Variants in ARIH1 observed in about 807,000 individuals in gnomAD.
The protein encoded by ARIH1 is E3 ubiquitin-protein ligase ARIH1.
In ARIH1, 8 loss-of-function variants were observed where a neutral mutation model predicts 85.0. The ratio of observed to expected loss-of-function variants is 0.09; its 90% CI spans 0.06 to 0.17. The LOEUF is 0.17. Among genes scored for constraint, ARIH1 ranks in the 10% least tolerant of loss-of-function variants. The probability of loss-of-function intolerance (pLI) is 1.00; values close to 1 mark genes in which losing one functional copy is unlikely to be tolerated. For synonymous variants in ARIH1, 238 were observed against 253.6 expected, an observed-to-expected ratio of 0.94 and a Z score of 0.59; for missense variants, 311 against 718.1, an observed-to-expected ratio of 0.43 and a Z score of 6.48.
chr15:72,480,779 G>A (rs181636950), intron 1 of ARIH1, among the ~76,000 whole-genome samples: 1,697 of 152,214 alleles, frequency 0.011, 16 homozygotes, highest in Non-Finnish European at 0.017. Flanking sequence ...TGGTCAGGCT[G>A]GTCTCAAACT....
intron 11 of ARIH1, among the ~76,000 whole-genome samples, chr15:72,575,838 C>G (rs1469412707): frequency 6.6e-6 from 1 of 152,088 alleles, no homozygotes; most frequent in African/African-American, 2.4e-5. Context: ...TGATACTTAC[C>G]TGACTCTTGA....
At chr15:72,556,678 G>A (rs2064176100) in intron 5 of ARIH1, among the ~76,000 whole-genome samples, 1 of 152,200 alleles carries the variant, frequency 6.6e-6, no homozygotes, top group Non-Finnish European at 1.5e-5. Flanking sequence ...CCCAGGTAGT[G>A]AGAACAATAC....
chr15:72,481,298 A>G (rs891123103), intron 1 of ARIH1, among the ~76,000 whole-genome samples: 10 of 152,196 alleles, frequency 6.6e-5, no homozygotes, highest in Admixed American at 6.5e-5. Flanking sequence ...GATGCAAGCT[A>G]AAGTTTGAGA....
At chr15:72,572,356 G>A in intron 11 of ARIH1, 191 bp downstream of exon 11, 1 of 443,482 alleles carries the variant, frequency 2.3e-6, no homozygotes. Context: ...TCCTGCCTCA[G>A]CCTCCTGAGT....
intron 3 of ARIH1, among the ~76,000 whole-genome samples, chr15:72,547,468 G>T (rs1053473930): frequency 6.6e-6 from 1 of 152,014 alleles, no homozygotes; most frequent in Non-Finnish European, 1.5e-5. Context: ...CCTGACCTCA[G>T]GTGATCCACC....
rs1399819449 is a variant in ARIH1, at chr15:72,593,369, T to A, written c.*10077T>A. On this transcript the variant is annotated 3_prime_UTR_variant, in exon 14 of 14. Transcript: ENST00000379887. Reference sequence around the variant, plus strand: ...GATCTTTCGATGAACAAATTTTTTTTATAAAATCCACTTTATCAGTTTTTT... The same window carrying A: ...GATCTTTCGATGAACAAATTTTTTTAATAAAATCCACTTTATCAGTTTTTT... 1 of 152,188 alleles carries A rather than the reference T, an allele frequency of 6.6e-6. No homozygotes were observed. Among genetic ancestry groups the A allele is most frequent in the East Asian group, 1.9e-4 (1 of 5,196 alleles). 9.4% of individuals were successfully genotyped at this position (152,188 alleles called of 1,614,324 possible). A position where few individuals can be genotyped will look rare whatever the true frequency, so the allele number is the denominator to read the frequency against.
At chr15:72,485,314 A>T (rs972801616) in intron 1 of ARIH1, among the ~76,000 whole-genome samples, 1 of 152,154 alleles carries the variant, frequency 6.6e-6, no homozygotes, top group African/African-American at 2.4e-5. Context: ...GGCAGGCCCT[A>T]CCCCATACCA....
In ARIH1 at chr15:72,593,666, T is replaced by C. The variant is rs1304960296; in HGVS notation, c.*10374T>C. 1 of 152,240 alleles carries C rather than the reference T, an allele frequency of 6.6e-6. No individual in the cohort carries two copies. Among genetic ancestry groups the C allele is most frequent in the African/African-American group, 2.4e-5 (1 of 41,466 alleles). The allele number at this position is 152,240 out of a possible 1,614,324, so 9.4% of individuals were successfully genotyped here. A position where few individuals can be genotyped will look rare whatever the true frequency, so the allele number is the denominator to read the frequency against. On this transcript the variant is annotated 3_prime_UTR_variant, in exon 14 of 14. Coordinates refer to ENST00000379887, the MANE Select transcript of ARIH1 (RefSeq NM_005744.5). Reference sequence around the variant, plus strand: ...TACATTTTCTGTTCTGTTCCATTAATCTATTTGTGTATCCTTACATCAGTA... The same window carrying C: ...TACATTTTCTGTTCTGTTCCATTAACCTATTTGTGTATCCTTACATCAGTA...
chr15:72,578,328 G>A lies in ARIH1; in HGVS notation c.1216-2403G>A, dbSNP rs1319967158. 2.0e-5 allele frequency among the ~76,000 whole-genome samples: 3 copies of A among 152,136 alleles called. No individual in the cohort carries two copies. In the South Asian group the frequency reaches 6.2e-4, roughly 31 times the overall value. On this transcript the variant is annotated intron_variant, in intron 11 of 13. Transcript: ENST00000379887. ...TATAACAACGATGACATCTTCAGTG[G>A]TGCTCTCCTTCCAGACTTCCATGAT...
At chr15:72,476,194 GTAT>G (rs1277886191) in intron 1 of ARIH1, among the ~76,000 whole-genome samples, 3 of 152,092 alleles carry the variant, frequency 2.0e-5, no homozygotes, top group South Asian at 2.1e-4. Flanking sequence ...GATTTTTATA[GTAT>G]TATAAGTAAC....
intron 11 of ARIH1, among the ~76,000 whole-genome samples, chr15:72,574,894 A>ACCCCCCCCC (rs201163446): frequency 1.8e-4 from 19 of 107,832 alleles, no homozygotes; most frequent in Admixed American, 3.1e-4. Flanking sequence ...ACATAGTAAG[A>ACCCCCCCCC]CCCCCCCGCC....
chr15:72,476,973 T>C (rs2063797532), intron 1 of ARIH1, among the ~76,000 whole-genome samples: 1 of 152,230 alleles, frequency 6.6e-6, no homozygotes, highest in Non-Finnish European at 1.5e-5. Flanking sequence ...TCCTTTTTAT[T>C]TTCTAGTTTC....
At chr15:72,554,749 C>G (rs1555488491) in intron 3 of ARIH1, among the ~76,000 whole-genome samples, 1 of 151,564 alleles carries the variant, frequency 6.6e-6, no homozygotes, top group Non-Finnish European at 1.5e-5. Context: ...TGTGGTGTTG[C>G]TTTGTTTTGT....
intron 1 of ARIH1, among the ~76,000 whole-genome samples, chr15:72,490,396 C>T (rs1357506828): frequency 6.6e-6 from 1 of 152,120 alleles, no homozygotes; most frequent in Non-Finnish European, 1.5e-5. Context: ...TGAGCTCTGC[C>T]TCGTGTCAGA....
intron 5 of ARIH1, among the ~76,000 whole-genome samples, chr15:72,560,558 C>T (rs1287236498): frequency 1.3e-5 from 2 of 152,218 alleles, no homozygotes; most frequent in Non-Finnish European, 2.9e-5. Context: ...TAGGCTGTCC[C>T]ACCTTAGAGC....
chr15:72,544,829 T>C lies in ARIH1; in HGVS notation c.453T>C (p.Asp151=), dbSNP rs1182784751. 6.2e-7 allele frequency: 1 copy of C among 1,612,310 alleles called. No individual in the cohort carries two copies. The highest frequency in any genetic ancestry group is 2.2e-5 in the East Asian group (1 of 44,842). Residue 151 remains aspartate (D), a synonymous_variant, in exon 3 of 14, where the codon GAT becomes GAC. Coordinates refer to ENST00000379887, the MANE Select transcript of ARIH1 (RefSeq NM_005744.5). ...DKEKLMERYF[D]GNLEKLFAEC... is the part of the protein sequence containing the mutation. The stretch of plus-strand genomic sequence containing the variant: ...TGTTTAAATAATGCAGGTACTTTGA[T>C]GGAAACCTGGAGAAGCTCTTTGCTG...
At position 72,596,245 on chromosome 15, in the gene ARIH1, T is replaced by C. The variant is rs1216840676; in HGVS notation, c.*12953T>C. ...TTGGATATAGGACTCTATGTTGACC[T>C]TTTATTTCTTCTTTCAGTACTTTAA... On this transcript the variant is annotated 3_prime_UTR_variant, in exon 14 of 14. Coordinates refer to ENST00000379887, the MANE Select transcript of ARIH1 (RefSeq NM_005744.5). 1 of 152,226 alleles carries C rather than the reference T, an allele frequency of 6.6e-6. No individual in the cohort carries two copies. Among genetic ancestry groups the C allele is most frequent in the Non-Finnish European group, 1.5e-5 (1 of 68,042 alleles). The allele number at this position is 152,226 out of a possible 1,614,324, so 9.4% of individuals were successfully genotyped here. A position where few individuals can be genotyped will look rare whatever the true frequency, so the allele number is the denominator to read the frequency against.
chr15:72,588,882 A>C lies in ARIH1; in HGVS notation c.*5590A>C, dbSNP rs2064329097. 2 of 152,218 alleles carry C rather than the reference A, an allele frequency of 1.3e-5. No individual in the cohort carries two copies. The highest frequency in any genetic ancestry group is 4.1e-4 in the South Asian group (2 of 4,838). The allele number at this position is 152,218 out of a possible 1,614,324, so 9.4% of individuals were successfully genotyped here. On this transcript the variant is annotated 3_prime_UTR_variant, in exon 14 of 14. Coordinates refer to ENST00000379887, the MANE Select transcript of ARIH1 (RefSeq NM_005744.5). The stretch of plus-strand genomic sequence containing the variant: ...AATAATACAGAGTCTGAGCAAAGGA[A>C]GTTGAGTGGTTATAAGCAAAACTGT...
intron 1 of ARIH1, among the ~76,000 whole-genome samples, chr15:72,506,355 AAAAAAAAAAAG>A (rs992449946): frequency 1.3e-5 from 2 of 148,232 alleles, no homozygotes; most frequent in Non-Finnish European, 3.0e-5. Flanking sequence ...GTCTCACAAA[AAAAAAAAAAAG>A]AAAAAAAAAA....
Sources: gnomAD v4.1 joint callset for allele counts (sites outside exome capture counted in the v4.1 genomes callset) on GRCh38, gnomAD v4.1.1 for gene constraint, MANE v1.5 for transcripts, NCBI Gene and HGNC (gene_info 2026-07-23, HGNC 2026-07-21) for gene names.